The following BRWD1 variants were observed in gnomAD, a reference collection of about 807,000 sequenced individuals.
BRWD1 encodes the protein bromodomain and WD repeat domain containing 1.
A neutral mutation model predicts 251.2 loss-of-function variants in BRWD1; 82 were observed. The observed-to-expected ratio is 0.33, with a 90% CI of 0.27 to 0.39. The LOEUF is 0.39. Ranked by LOEUF, BRWD1 falls within the 10% of genes least tolerant of loss-of-function variation. The probability of loss-of-function intolerance (pLI) is 1.00; values close to 1 mark genes in which losing one functional copy is unlikely to be tolerated. For synonymous variants in BRWD1, 918 were observed against 902.8 expected (o/e 1.02, Z -0.30); for missense variants, 2,233 against 2,711.6 (o/e 0.82, Z 3.92).
Position 39,273,178 on chromosome 21 carries a change from G to C in BRWD1, c.1244+1196C>G, listed in dbSNP as rs1601433787. Among the ~76,000 whole-genome samples the C allele has an allele frequency of 3.3e-5, 5 of 152,218 alleles. No individual in the cohort carries two copies. The East Asian group carries it at 9.6e-4, about 29-fold the overall frequency. On this transcript the variant is annotated intron_variant, in intron 13 of 40. Transcript: ENST00000342449. The stretch of plus-strand genomic sequence containing the variant: ...ATTTAAAAATTTTCATTCAAGTTTT[G>C]ACAGTTTCTATTTTCCTTAATAAAA...
At chr21:39,236,486 C>A (rs1243254498) in intron 23 of BRWD1, 109 bp downstream of exon 23, 4 of 1,050,962 alleles carry the variant, frequency 3.8e-6, no homozygotes, top group African/African-American at 1.6e-5. Context: ...CCCAAGACAC[C>A]CAAGGCACCA....
In BRWD1 at chr21:39,257,202, T is replaced by TAAA. The variant is rs5843954; in HGVS notation, c.2071+1282_2071+1284dup. ...CACAGAGGAGTAGTATGAAGCTATTTAAAAAAAAAAAAAAAAAAATAGGAT... is the reference window on the plus strand; with the variant it reads ...CACAGAGGAGTAGTATGAAGCTATTTAAAAAAAAAAAAAAAAAAAAAATAGGAT... On this transcript the variant is annotated intron_variant, in intron 18 of 40. Coordinates refer to ENST00000342449, the MANE Select transcript of BRWD1 (RefSeq NM_033656.4). 4.2e-3 allele frequency among the ~76,000 whole-genome samples: 574 copies of TAAA among 136,998 alleles called. 9 individuals carry two copies. Among genetic ancestry groups the TAAA allele is most frequent in the African/African-American group, 0.015 (560 of 37,206 alleles). 89.9% of individuals were successfully genotyped at this position (136,998 alleles called of 152,430 possible).
intron 13 of BRWD1, among the ~76,000 whole-genome samples, chr21:39,272,701 G>A (rs1230181407): frequency 6.7e-6 from 1 of 150,072 alleles, no homozygotes; most frequent in Non-Finnish European, 1.5e-5. Context: ...TCTATCTCCT[G>A]GGTTCAACTG....
In BRWD1 at chr21:39,248,900, A is replaced by C. The variant is rs1310205909; in HGVS notation, c.2350-1068T>G. Among the ~76,000 whole-genome samples, 3 of 152,152 alleles carry C rather than the reference A, an allele frequency of 2.0e-5. No individual in the cohort carries two copies. The East Asian group carries it at 5.8e-4, about 29-fold the overall frequency. ...GAAAAGAACTCATTCTACCATAACGACATATATACACCTATGTTCACTGCA... is the reference window on the plus strand; with the variant it reads ...GAAAAGAACTCATTCTACCATAACGCCATATATACACCTATGTTCACTGCA... On this transcript the variant is annotated intron_variant, in intron 20 of 40. Coordinates refer to ENST00000342449, the MANE Select transcript of BRWD1 (RefSeq NM_033656.4).
intron 10 of BRWD1, among the ~76,000 whole-genome samples, chr21:39,277,807 C>G (rs2035325713): frequency 6.6e-6 from 1 of 151,994 alleles, no homozygotes; most frequent in African/African-American, 2.4e-5. Context: ...CTCAGGTGAT[C>G]CACCCGCCTC....
rs148552155 is a variant in BRWD1 at position 39,312,706 on chromosome 21, C to G, written c.198+135G>C. 140 of 481,184 alleles carry G rather than the reference C, an allele frequency of 2.9e-4. 2 individuals carry two copies. Among genetic ancestry groups the G allele is most frequent in the African/African-American group, 2.5e-3 (119 of 48,508 alleles). The allele number at this position is 481,184 out of a possible 1,614,324, so 29.8% of individuals were successfully genotyped here. On this transcript the variant is annotated intron_variant, in intron 4 of 40. Coordinates refer to ENST00000342449, the MANE Select transcript of BRWD1 (RefSeq NM_033656.4). ...ACAAAACAAAATCTTCAGCCGGGAA[C>G]GCAGCTATCCCCGGGCCGCCCCCCA...
At chr21:39,215,856 C>T (rs2032866565) in intron 31 of BRWD1, among the ~76,000 whole-genome samples, 1 of 152,002 alleles carries the variant, frequency 6.6e-6, no homozygotes, top group South Asian at 2.1e-4. Context: ...AAAAATTAGC[C>T]AGGCGTACTG....
chr21:39,211,316 T>TA (rs2032647664), intron 34 of BRWD1, among the ~76,000 whole-genome samples: 1 of 152,212 alleles, frequency 6.6e-6, no homozygotes, highest in African/African-American at 2.4e-5. Context: ...TCATAACCTA[T>TA]GACTATGTTG....
Position 39,189,448 on chromosome 21 carries a change from T to C in BRWD1, c.*6811A>G, listed in dbSNP as rs907099401. 2.1e-6 allele frequency: 2 copies of C among 973,220 alleles called. No individual in the cohort carries two copies. Among genetic ancestry groups the C allele is most frequent in the African/African-American group, 3.5e-5 (2 of 56,900 alleles). The allele number at this position is 973,220 out of a possible 1,614,324, so 60.3% of individuals were successfully genotyped here. The stretch of plus-strand genomic sequence containing the variant: ...ACACATTTTAATAAATGTTTATTTG[T>C]CATCCAGAATAATGGAAAAGTTAAG... On this transcript the variant is annotated 3_prime_UTR_variant, in exon 41 of 41. Transcript: ENST00000342449.
chr21:39,285,018 C>T (rs2035588190), intron 8 of BRWD1, among the ~76,000 whole-genome samples: 1 of 152,146 alleles, frequency 6.6e-6, no homozygotes, highest in Non-Finnish European at 1.5e-5. Flanking sequence ...GAGATAATTG[C>T]ACTCCCATGT....
rs557954424 is a variant in BRWD1 at position 39,200,403 on chromosome 21, G to A, written c.4586-17C>T. On this transcript the variant is annotated splice_polypyrimidine_tract_variant and intron_variant, in intron 38 of 40. Transcript: ENST00000342449. ...CTTCACTTTCTAGGAAAAATAAAGT[G>A]TAAATAGTTACATATATTCTCCTGT... The A allele has an allele frequency of 1.9e-6, 3 of 1,605,494 alleles. No individual in the cohort carries two copies. The highest frequency in any genetic ancestry group is 2.2e-5 in the East Asian group (1 of 44,812).
chr21:39,206,974 T>C (rs2032421903), intron 36 of BRWD1, among the ~76,000 whole-genome samples: 1 of 151,942 alleles, frequency 6.6e-6, no homozygotes, highest in South Asian at 2.1e-4. Flanking sequence ...TGGCAGTGGA[T>C]GGCGAAGACA....
intron 4 of BRWD1, among the ~76,000 whole-genome samples, chr21:39,299,554 G>C (rs1358062525): frequency 6.6e-6 from 1 of 152,010 alleles, no homozygotes; most frequent in Non-Finnish European, 1.5e-5. Context: ...AAAAGATATT[G>C]CTCTCATCTC....
intron 8 of BRWD1, among the ~76,000 whole-genome samples, chr21:39,285,087 G>C (rs150665179): frequency 2.4e-3 from 363 of 152,318 alleles, no homozygotes; most frequent in African/African-American, 8.4e-3. Flanking sequence ...CCCATCTACA[G>C]ATGAATGAAC....
At chr21:39,201,181 A>AGT (rs2032093057) in intron 38 of BRWD1, among the ~76,000 whole-genome samples, 2 of 152,132 alleles carry the variant, frequency 1.3e-5, no homozygotes, top group Non-Finnish European at 2.9e-5. Flanking sequence ...CGAGAGAAAG[A>AGT]GTGTGAGAGG....
chr21:39,233,504 A>G (rs1408894980), intron 23 of BRWD1, among the ~76,000 whole-genome samples: 5 of 152,230 alleles, frequency 3.3e-5, no homozygotes, highest in Admixed American at 2.6e-4. Flanking sequence ...GAAGACAGAC[A>G]TGTAAAATGA....
At chr21:39,285,687 C>T (rs984352455) in intron 8 of BRWD1, among the ~76,000 whole-genome samples, 14 of 151,822 alleles carry the variant, frequency 9.2e-5, no homozygotes, top group Non-Finnish European at 1.8e-4. Context: ...CTTTGGGAGG[C>T]CAAGGCAGGA....
At chr21:39,304,684 C>T (rs558090097) in intron 4 of BRWD1, among the ~76,000 whole-genome samples, 39 of 151,520 alleles carry the variant, frequency 2.6e-4, no homozygotes, top group African/African-American at 9.4e-4. Flanking sequence ...ACGCTGTTTA[C>T]GGGAGATAAA....
At chr21:39,318,622 T>C (rs764814506), upstream of BRWD1, among the ~76,000 whole-genome samples, 2 of 152,200 alleles carry the variant, frequency 1.3e-5, no homozygotes, top group Non-Finnish European at 2.9e-5. Context: ...AAGTCTTCCC[T>C]GGCTCCTGGG....
Sources: allele counts gnomAD v4.1 joint callset (sites outside exome capture counted in the v4.1 genomes callset), GRCh38; gene constraint gnomAD v4.1.1; transcripts MANE v1.5; gene names NCBI Gene and HGNC (gene_info 2026-07-23, HGNC 2026-07-21).